The following VPS13B variants were observed in gnomAD, a reference collection of about 807,000 sequenced individuals.
The protein encoded by VPS13B is intermembrane lipid transfer protein VPS13B.
Under a neutral mutation model 426.4 loss-of-function variants are expected in VPS13B, and 285 were observed. The ratio of observed to expected loss-of-function variants is 0.67; its 90% CI spans 0.61 to 0.74. The LOEUF is 0.74. VPS13B is among the 30% of genes least tolerant of loss of function. The pLI is 0.00. For synonymous variants in VPS13B, 1,676 were observed against 1,676.4 expected, an observed-to-expected ratio of 1.00 and a Z score of 0.01; for missense variants, 4,537 against 4,782.6, an observed-to-expected ratio of 0.95 and a Z score of 1.51.
chr8:99,463,947 G>A (rs1018522716), intron 23 of VPS13B, among the ~76,000 whole-genome samples: 1 of 152,004 alleles, frequency 6.6e-6, no homozygotes, highest in Non-Finnish European at 1.5e-5. Context: ...TGCCCACTTC[G>A]GCCTCCCAAA....
At chr8:99,864,306 T>C (rs1476221055) in intron 58 of VPS13B, among the ~76,000 whole-genome samples, 2 of 152,232 alleles carry the variant, frequency 1.3e-5, no homozygotes, top group East Asian at 3.8e-4. Context: ...CCTAGCACTT[T>C]GGGAAGCCAA....
chr8:99,088,319 A>G (rs907632354), intron 3 of VPS13B, among the ~76,000 whole-genome samples: 1 of 152,126 alleles, frequency 6.6e-6, no homozygotes, highest in African/African-American at 2.4e-5. Flanking sequence ...ATGGTCAGGC[A>G]TCTGTTTTTC....
intron 6 of VPS13B, among the ~76,000 whole-genome samples, chr8:99,112,658 G>A (rs1053956344): frequency 6.6e-6 from 1 of 152,034 alleles, no homozygotes; most frequent in Admixed American, 6.6e-5. Context: ...TATAGCCTTG[G>A]GTTTTCTAGT....
intron 17 of VPS13B, among the ~76,000 whole-genome samples, chr8:99,249,342 A>G (rs190700052): frequency 6.6e-6 from 1 of 152,002 alleles, no homozygotes; most frequent in East Asian, 1.9e-4. Flanking sequence ...ACATTTATAT[A>G]CAAGTTTTTG....
intron 17 of VPS13B, among the ~76,000 whole-genome samples, chr8:99,273,265 T>A (rs1195470544): frequency 6.6e-6 from 1 of 151,726 alleles, no homozygotes; most frequent in Non-Finnish European, 1.5e-5. Context: ...TTCAGGTGAT[T>A]CTCCTGCCTC....
intron 19 of VPS13B, among the ~76,000 whole-genome samples, chr8:99,292,942 A>C (rs186237357): frequency 6.6e-6 from 1 of 152,270 alleles, no homozygotes. Flanking sequence ...ACTGGTCCAA[A>C]GGGGATTTTT....
chr8:99,703,092 A>T (rs1194806944), intron 36 of VPS13B, among the ~76,000 whole-genome samples: 1 of 152,186 alleles, frequency 6.6e-6, no homozygotes, highest in African/African-American at 2.4e-5. Context: ...TCCCCCGGGC[A>T]TTCCGAATAC....
chr8:99,719,514 C>T (rs1833053704), intron 37 of VPS13B, among the ~76,000 whole-genome samples: 1 of 152,148 alleles, frequency 6.6e-6, no homozygotes, highest in Non-Finnish European at 1.5e-5. Context: ...CGATATGGGG[C>T]TATTATTTTC....
intron 2 of VPS13B, among the ~76,000 whole-genome samples, chr8:99,015,562 A>AT (rs141369522): frequency 0.26 from 39,077 of 151,400 alleles, 5,677 homozygotes; most frequent in East Asian, 0.43. Flanking sequence ...CTACTGTCCA[A>AT]TAAAAAAATG....
At chr8:99,754,626 A>G (rs1360909302) in intron 39 of VPS13B, among the ~76,000 whole-genome samples, 2 of 152,096 alleles carry the variant, frequency 1.3e-5, no homozygotes, top group East Asian at 3.9e-4. Flanking sequence ...TCTATTTTTT[A>G]ACTATCTACT....
intron 18 of VPS13B, 148 bp downstream of exon 18, chr8:99,274,480 G>A (rs1035635960): frequency 3.9e-5 from 50 of 1,281,732 alleles, no homozygotes; most frequent in Non-Finnish European, 4.9e-5. Flanking sequence ...TTTTCTAATT[G>A]TGCCAGGATG....
intron 21 of VPS13B, among the ~76,000 whole-genome samples, chr8:99,413,480 A>G (rs1563716240): frequency 6.6e-6 from 1 of 151,160 alleles, no homozygotes; most frequent in Admixed American, 6.6e-5. Context: ...TGGCTTCTGA[A>G]TTTGTTTGCT....
intron 21 of VPS13B, among the ~76,000 whole-genome samples, chr8:99,414,945 G>T (rs1815911038): frequency 6.6e-6 from 1 of 152,120 alleles, no homozygotes; most frequent in Non-Finnish European, 1.5e-5. Flanking sequence ...GCATTTGAAT[G>T]TTGGCTTGTT....
chr8:99,148,063 T>C, intron 14 of VPS13B, 53 bp downstream of exon 14: 1 of 1,571,064 alleles, frequency 6.4e-7, no homozygotes, highest in South Asian at 1.1e-5. Flanking sequence ...GATTTTTTTT[T>C]TTTTTTTTGT....
intron 39 of VPS13B, among the ~76,000 whole-genome samples, chr8:99,726,256 T>C (rs1000938267): frequency 6.6e-5 from 10 of 152,254 alleles, no homozygotes; most frequent in African/African-American, 2.4e-4. Context: ...AATTTTATCA[T>C]GTGAACTTTT....
At chr8:99,630,913 G>A (rs1401482761) in intron 33 of VPS13B, among the ~76,000 whole-genome samples, 1 of 152,054 alleles carries the variant, frequency 6.6e-6, no homozygotes, top group Non-Finnish European at 1.5e-5. Context: ...AGTAATTAGT[G>A]AAATGAAGGA....
chr8:99,506,028 C>A (rs889826907), intron 27 of VPS13B, among the ~76,000 whole-genome samples: 5 of 152,066 alleles, frequency 3.3e-5, no homozygotes, highest in Non-Finnish European at 7.4e-5. Flanking sequence ...AATTTATTTT[C>A]TATATTTTAT....
chr8:99,123,602 AATAG>A (rs1055889502), intron 8 of VPS13B, among the ~76,000 whole-genome samples: 5 of 152,170 alleles, frequency 3.3e-5, no homozygotes, highest in Admixed American at 6.5e-5. Context: ...AAGGAAAAGA[AATAG>A]ATAGGAATGC....
In VPS13B at chr8:99,507,126, A is replaced by AT. The variant is rs1181908158; in HGVS notation, c.4158-10dup. 6.2e-7 allele frequency: 1 copy of AT among 1,613,948 alleles called. No individual in the cohort carries two copies. Among genetic ancestry groups the AT allele is most frequent in the South Asian group, 1.1e-5 (1 of 91,086 alleles). ...TGAAGAGAACAGATAAGGTGAACTT[A>AT]TGTTTTCCAGGCCAGGGGAAGGTTG... On this transcript the variant is annotated splice_polypyrimidine_tract_variant and intron_variant, in intron 27 of 61. Coordinates refer to ENST00000357162, the MANE Select transcript of VPS13B (RefSeq NM_152564.5).
Sources: allele counts gnomAD v4.1 joint callset (sites outside exome capture counted in the v4.1 genomes callset), GRCh38; gene constraint gnomAD v4.1.1; transcripts MANE v1.5; gene names NCBI Gene and HGNC (gene_info 2026-07-23, HGNC 2026-07-21).